Variants in LYRM4 observed in about 807,000 individuals in gnomAD.
LYRM4 encodes the protein LYR motif-containing protein 4.
A neutral mutation model predicts 11.7 loss-of-function variants in LYRM4; 9 were observed. The ratio of observed to expected loss-of-function variants is 0.77; its 90% CI spans 0.46 to 1.34. The LOEUF (loss-of-function observed/expected upper bound fraction) is 1.34, where lower values mean the gene tolerates loss of function less well. Ranked by LOEUF, LYRM4 falls within the 40% of genes most tolerant of loss-of-function variation. LYRM4 has a pLI of 0.00. For missense variants in LYRM4, 133 were observed against 112.5 expected (o/e 1.18, Z -0.82); for synonymous variants, 42 against 40.4 (o/e 1.04, Z -0.15).
At chr6:5,197,756 C>T (rs1020554028) in intron 2 of LYRM4, among the ~76,000 whole-genome samples, 1 of 152,038 alleles carries the variant, frequency 6.6e-6, no homozygotes, top group Admixed American at 6.6e-5. Flanking sequence ...AGCAAAGTCC[C>T]GAATTTATTT....
the LYRM4 span, among the ~76,000 whole-genome samples, chr6:5,090,012 G>C: frequency 2.3e-5 from 1 of 43,338 alleles, no homozygotes; most frequent in Admixed American, 2.0e-4. This position sits in a 1 kb window ranked among gnomAD's most constrained non-coding sequence, Gnocchi z 4.8. Context: ...TTCCTGAAAG[G>C]AAGACACACA....
chr6:5,166,780 G>C (rs1278936314), intron 2 of LYRM4, among the ~76,000 whole-genome samples: 1 of 152,168 alleles, frequency 6.6e-6, no homozygotes, highest in Non-Finnish European at 1.5e-5. Flanking sequence ...TGGATGAACT[G>C]GGACCATTTG....
intron 2 of LYRM4, among the ~76,000 whole-genome samples, chr6:5,186,322 C>T (rs911989888): frequency 2.6e-5 from 4 of 152,132 alleles, no homozygotes; most frequent in East Asian, 1.9e-4. Flanking sequence ...CAGAGGAAAA[C>T]GTGGTAACTC....
At chr6:5,252,830 G>A (rs1570085) in intron 1 of LYRM4, among the ~76,000 whole-genome samples, 43,547 of 150,874 alleles carry the variant, frequency 0.29, 7,864 homozygotes, top group African/African-American at 0.52. Flanking sequence ...AAGCATGAGA[G>A]GAACACCGAG....
chr6:5,180,606 G>A (rs764819968), intron 2 of LYRM4, among the ~76,000 whole-genome samples: 2 of 152,168 alleles, frequency 1.3e-5, no homozygotes, highest in Admixed American at 6.5e-5. Context: ...CCCTGAGCTT[G>A]CTCTTCCTCA....
chr6:5,235,725 T>A (rs1189212375), intron 1 of LYRM4, among the ~76,000 whole-genome samples: 1 of 152,342 alleles, frequency 6.6e-6, no homozygotes, highest in South Asian at 2.1e-4. Context: ...TTCAAATTCT[T>A]TAAACAGAAA....
chr6:5,198,077 A>C (rs919560242), intron 2 of LYRM4, among the ~76,000 whole-genome samples: 2 of 152,140 alleles, frequency 1.3e-5, no homozygotes, highest in African/African-American at 4.8e-5. Context: ...AGGTGCCTGT[A>C]ATCTCAGCTA....
chr6:5,213,609 A>G (rs1156755420), intron 2 of LYRM4, among the ~76,000 whole-genome samples: 1 of 152,154 alleles, frequency 6.6e-6, no homozygotes, highest in African/African-American at 2.4e-5. Context: ...TCACAACTCC[A>G]TGAGGGTTAA....
At chr6:5,154,244 G>C (rs144124719) in intron 2 of LYRM4, among the ~76,000 whole-genome samples, 532 of 152,180 alleles carry the variant, frequency 3.5e-3, no homozygotes, top group Admixed American at 5.4e-3. Context: ...TAAAATATTA[G>C]CCTATTAAGT....
At chr6:5,215,541 A>G (rs780598606) in intron 2 of LYRM4, among the ~76,000 whole-genome samples, 2 of 152,248 alleles carry the variant, frequency 1.3e-5, no homozygotes, top group African/African-American at 4.8e-5. Flanking sequence ...GGAGAATCCG[A>G]AATGCTATTC....
At chr6:5,066,450 A>G in the LYRM4 span, 2 of 757,292 alleles carry the variant, frequency 2.6e-6, no homozygotes, top group Admixed American at 1.8e-5. Flanking sequence ...AACTGCTTCT[A>G]TTCCCAAATT....
intron 2 of LYRM4, among the ~76,000 whole-genome samples, chr6:5,203,846 T>TATG (rs1425121910): frequency 6.6e-6 from 1 of 152,178 alleles, no homozygotes; most frequent in Non-Finnish European, 1.5e-5. Context: ...TCCGCACACT[T>TATG]ATGGGGCTGA....
At chr6:5,183,753 C>A (rs1193932973) in intron 2 of LYRM4, among the ~76,000 whole-genome samples, 2 of 152,154 alleles carry the variant, frequency 1.3e-5, no homozygotes, top group African/African-American at 4.8e-5. Flanking sequence ...TGGAGAAAAA[C>A]AGTCTGACAA....
At chr6:5,161,340 A>G (rs1445964726) in intron 2 of LYRM4, among the ~76,000 whole-genome samples, 1 of 152,214 alleles carries the variant, frequency 6.6e-6, no homozygotes, top group Non-Finnish European at 1.5e-5. Context: ...TATTAGCTAA[A>G]TGATAAATTA....
At chr6:5,155,428 G>C (rs140009899) in intron 2 of LYRM4, among the ~76,000 whole-genome samples, 38 of 152,278 alleles carry the variant, frequency 2.5e-4, no homozygotes, top group Middle Eastern at 6.8e-3. Flanking sequence ...ACAGTTTTCA[G>C]AGTCCGTCTT....
the LYRM4 span, among the ~76,000 whole-genome samples, chr6:5,045,528 G>C: frequency 6.6e-6 from 1 of 152,172 alleles, no homozygotes; most frequent in Non-Finnish European, 1.5e-5. Context: ...AAATGTTCTG[G>C]AAACGGTTAA....
downstream of LYRM4, among the ~76,000 whole-genome samples, chr6:5,099,234 ACT>A (rs1762426251): frequency 6.7e-6 from 1 of 149,206 alleles, no homozygotes; most frequent in Admixed American, 6.7e-5. This position sits in a 1 kb window ranked among gnomAD's most constrained non-coding sequence, Gnocchi z 4.3. Context: ...ACAGGGTCTC[ACT>A]CTGTTACCCA....
At chr6:5,169,951 C>T (rs895752220) in intron 2 of LYRM4, among the ~76,000 whole-genome samples, 7 of 152,172 alleles carry the variant, frequency 4.6e-5, no homozygotes, top group African/African-American at 9.7e-5. Flanking sequence ...AGGGGTATTA[C>T]GGACAAGGTA....
chr6:5,041,183 C>T, the LYRM4 span, among the ~76,000 whole-genome samples: 1 of 149,640 alleles, frequency 6.7e-6, no homozygotes, highest in Non-Finnish European at 1.5e-5. Context: ...AAAGTTACAC[C>T]TAGGTGTGTA....
Sources: allele counts gnomAD v4.1 joint callset (sites outside exome capture counted in the v4.1 genomes callset), GRCh38; gene constraint gnomAD v4.1.1; non-coding constraint Gnocchi (gnomAD v3.1); transcripts MANE v1.5; gene names NCBI Gene and HGNC (gene_info 2026-07-23, HGNC 2026-07-21).